The following DST variants were observed in gnomAD, a reference collection of about 807,000 sequenced individuals.
DST encodes dystonin, also known as bullous pemphigoid antigen.
A neutral mutation model predicts 875.2 loss-of-function variants in DST; 253 were observed. The observed-to-expected ratio is 0.29, with a 90% CI of 0.26 to 0.32. The LOEUF is 0.32. DST is among the 10% of genes least tolerant of loss of function. The probability of loss-of-function intolerance (pLI) is 1.00; values close to 1 mark genes in which losing one functional copy is unlikely to be tolerated. For synonymous variants in DST, 3,124 were observed against 3,197.1 expected, an observed-to-expected ratio of 0.98 and a Z score of 0.77; for missense variants, 8,287 against 9,111.6, an observed-to-expected ratio of 0.91 and a Z score of 3.68.
intron 85 of DST, among the ~76,000 whole-genome samples, chr6:56,491,165 T>C (rs745537805): frequency 2.4e-4 from 37 of 152,166 alleles, no homozygotes; most frequent in Non-Finnish European, 3.7e-4. Flanking sequence ...CACCTCCCAT[T>C]CAAAATGGGG....
chr6:56,464,937 T>C (rs2094506775), intron 99 of DST, among the ~76,000 whole-genome samples, 181 bp from the exon 100 acceptor site: 1 of 152,152 alleles, frequency 6.6e-6, no homozygotes, highest in South Asian at 2.1e-4. Flanking sequence ...GAAAAATGTA[T>C]TTGGAAGACT....
chr6:56,575,754 C>T (rs1304055305), intron 50 of DST, among the ~76,000 whole-genome samples: 3 of 152,160 alleles, frequency 2.0e-5, no homozygotes, highest in Admixed American at 2.0e-4. Flanking sequence ...GTAATACAGA[C>T]ACTAAGAGAA....
At chr6:56,776,357 A>C (rs2099679149) in intron 4 of DST, among the ~76,000 whole-genome samples, 1 of 152,236 alleles carries the variant, frequency 6.6e-6, no homozygotes, top group Non-Finnish European at 1.5e-5. Context: ...AGGATGCCAG[A>C]AGGCAAAAAA....
At chr6:56,841,291 A>G (rs1280498264) in intron 4 of DST, among the ~76,000 whole-genome samples, 1 of 152,206 alleles carries the variant, frequency 6.6e-6, no homozygotes, top group African/African-American at 2.4e-5. Context: ...TTTCCTTTCC[A>G]TGACTAAATG....
intron 10 of DST, among the ~76,000 whole-genome samples, chr6:56,655,160 C>CAAA (rs11365303): frequency 2.0e-3 from 117 of 57,240 alleles, no homozygotes; most frequent in African/African-American, 3.1e-3. Context: ...GACTTTGCCT[C>CAAA]AAAAAAAAAA....
chr6:56,742,915 T>G (rs557819114), intron 4 of DST, among the ~76,000 whole-genome samples: 4 of 152,348 alleles, frequency 2.6e-5, no homozygotes, highest in African/African-American at 9.6e-5. Flanking sequence ...TTCACAATAA[T>G]TCTGAGTTGG....
intron 4 of DST, chr6:56,742,380 C>G: frequency 7.8e-7 from 1 of 1,287,200 alleles, no homozygotes; most frequent in Non-Finnish European, 1.0e-6. Context: ...AAACTCTCTC[C>G]GTACAAACTC....
Position 56,605,945 on chromosome 6 carries a change from G to A in DST, c.8683C>T (p.Leu2895Phe), listed in dbSNP as rs1312178803. ...GCAATCTCAGTTGTATATTCTGGAA[G>A]GTTGCTTTTTTCAGTAACTAAGTTA... ...ENNLVTEKSN[L>F]PEYTTEIAGK... Residue 2895 changes from leucine (L) to phenylalanine (F), a missense_variant, in exon 40 of 104, where the codon CTT becomes TTT. Physicochemically the swap from Leu to Phe is conservative, Grantham distance 22 (BLOSUM62 0). Coordinates refer to ENST00000680361, the MANE Select transcript of DST (RefSeq NM_001374736.1). The A allele has an allele frequency of 1.2e-6, 2 of 1,612,694 alleles. No homozygotes were observed. Among genetic ancestry groups the A allele is most frequent in the Admixed American group, 3.3e-5 (2 of 59,860 alleles).
chr6:56,485,492 A>T, intron 87 of DST, 21 bp from the exon 88 acceptor site: 1 of 1,607,366 alleles, frequency 6.2e-7, no homozygotes, highest in Non-Finnish European at 8.5e-7. Context: ...AGGTAGAAAA[A>T]TTGATCCTTG....
chr6:56,738,320 T>A (rs553712004), intron 4 of DST, among the ~76,000 whole-genome samples: 1 of 152,248 alleles, frequency 6.6e-6, no homozygotes, highest in East Asian at 1.9e-4. Flanking sequence ...GCTCAGAATT[T>A]ATACTAAAAT....
At chr6:56,691,016 T>C (rs2099224791) in intron 9 of DST, among the ~76,000 whole-genome samples, 1 of 152,198 alleles carries the variant, frequency 6.6e-6, no homozygotes, top group Middle Eastern at 3.2e-3. Context: ...TTTATATACA[T>C]TGCATTACAG....
chr6:56,578,712 G>A lies in DST; in HGVS notation c.13027+102C>T, dbSNP rs935782692. ...CCATTTCACAGAGAAAGAGCACATA[G>A]AACACAATCTATAACTAGTGAACAT... On this transcript the variant is annotated intron_variant, in intron 50 of 103. Coordinates refer to ENST00000680361, the MANE Select transcript of DST (RefSeq NM_001374736.1). 5.7e-6 allele frequency: 7 copies of A among 1,228,788 alleles called. No individual in the cohort carries two copies. In the African/African-American group the frequency reaches 9.0e-5, roughly 16 times the overall value. 76.1% of individuals were successfully genotyped at this position (1,228,788 alleles called of 1,614,324 possible).
chr6:56,636,254 A>T (rs943072216), intron 23 of DST, among the ~76,000 whole-genome samples: 51 of 149,056 alleles, frequency 3.4e-4, no homozygotes, highest in Admixed American at 3.4e-3. Context: ...ATATATATAT[A>T]TACACACACA....
intron 5 of DST, among the ~76,000 whole-genome samples, chr6:56,718,715 A>G (rs1051754073): frequency 6.6e-6 from 1 of 152,262 alleles, no homozygotes; most frequent in African/African-American, 2.4e-5. Context: ...AGAATGGAAT[A>G]CTAATTGACA....
chr6:56,743,951 C>T (rs970732322), intron 4 of DST, among the ~76,000 whole-genome samples: 1 of 151,966 alleles, frequency 6.6e-6, no homozygotes, highest in Non-Finnish European at 1.5e-5. Flanking sequence ...GTCAGGAGTT[C>T]GAGACCACCT....
At chr6:56,626,535 T>C (rs975168969) in intron 34 of DST, among the ~76,000 whole-genome samples, 32 of 152,306 alleles carry the variant, frequency 2.1e-4, no homozygotes, top group African/African-American at 7.2e-4. Flanking sequence ...TGTAGGTTTA[T>C]GTGAGTACAC....
intron 4 of DST, among the ~76,000 whole-genome samples, chr6:56,800,505 C>A (rs2099745408): frequency 6.6e-6 from 1 of 152,140 alleles, no homozygotes; most frequent in South Asian, 2.1e-4. Flanking sequence ...CTCCTATCCC[C>A]AATCTCCATG....
chr6:56,546,309 T>C (rs1002651292), intron 61 of DST, among the ~76,000 whole-genome samples: 7 of 145,506 alleles, frequency 4.8e-5, no homozygotes, highest in African/African-American at 1.8e-4. Flanking sequence ...AAGATGATTC[T>C]ATATATAAAT....
intron 4 of DST, among the ~76,000 whole-genome samples, chr6:56,784,336 A>C (rs1190549613): frequency 6.6e-6 from 1 of 152,102 alleles, no homozygotes; most frequent in East Asian, 1.9e-4. Flanking sequence ...ACTTGGTTCC[A>C]TTCTCCCCGT....
Sources: allele counts gnomAD v4.1 joint callset (sites outside exome capture counted in the v4.1 genomes callset), GRCh38; gene constraint gnomAD v4.1.1; transcripts MANE v1.5; gene names NCBI Gene and HGNC (gene_info 2026-07-23, HGNC 2026-07-21).